The following EGFR variants were observed in gnomAD, a reference collection of about 807,000 sequenced individuals.
EGFR encodes epidermal growth factor receptor.
In EGFR, 58 loss-of-function variants were observed where a neutral mutation model predicts 143.0. The observed-to-expected ratio is 0.41, with a 90% confidence interval of 0.33 to 0.50. The LOEUF (loss-of-function observed/expected upper bound fraction) is 0.50, where lower values mean the gene tolerates loss of function less well. Ranked by LOEUF, EGFR falls within the 20% of genes least tolerant of loss-of-function variation. EGFR has a pLI of 0.39. For missense variants in EGFR, 1,307 were observed against 1,579.0 expected, an observed-to-expected ratio of 0.83 and a Z score of 2.92; for synonymous variants, 613 against 594.4, an observed-to-expected ratio of 1.03 and a Z score of -0.45.
At chr7:55,101,208 C>T (rs762044634) in intron 1 of EGFR, among the ~76,000 whole-genome samples, 1 of 152,206 alleles carries the variant, frequency 6.6e-6, no homozygotes, top group African/African-American at 2.4e-5. Flanking sequence ...GTCCACCAGA[C>T]TTTACGCTTG....
chr7:55,188,325 TG>T (rs1358632373), intron 20 of EGFR, among the ~76,000 whole-genome samples: 1 of 151,974 alleles, frequency 6.6e-6, no homozygotes, highest in Non-Finnish European at 1.5e-5. Context: ...CCAAGACTCG[TG>T]GGGTGCGGCA....
rs201837816 is a variant in EGFR at position 55,160,350 on chromosome 7, C to A, written c.1498+12C>A. 16 of 1,611,838 alleles carry A rather than the reference C, an allele frequency of 9.9e-6. No homozygotes were observed. Among genetic ancestry groups the A allele is most frequent in the Non-Finnish European group, 1.2e-5 (14 of 1,179,782 alleles). ...TGAAAACAGCTGCAGTAAGTCACCG[C>A]TTTCTGTTTAGTTTATGGAGTTGGT... On this transcript the variant is annotated intron_variant, in intron 12 of 27. Coordinates refer to ENST00000275493, the MANE Select transcript of EGFR (RefSeq NM_005228.5).
rs2128964491 is a variant in EGFR, at chr7:55,191,768, C to G, written c.2519C>G (p.Ala840Gly). The change falls in exon 21 of 28, where the codon GCC becomes GGC. Residue 840 changes from alanine to glycine, a missense_variant. This residue lies in a region of EGFR where 348 missense variants were observed against 451.5 expected (regional missense o/e 0.77). Coordinates refer to ENST00000275493, the MANE Select transcript of EGFR (RefSeq NM_005228.5). ...DRRLVHRDLA[A>G]RNVLVKTPQH... ...CGCTTGGTGCACCGCGACCTGGCAG[C>G]CAGGAACGTACTGGTGAAAACACCG... The G allele has an allele frequency of 6.2e-7, 1 of 1,614,034 alleles. No homozygotes were observed. Among genetic ancestry groups the G allele is most frequent in the South Asian group, 1.1e-5 (1 of 91,078 alleles).
intron 19 of EGFR, among the ~76,000 whole-genome samples, chr7:55,178,857 G>GTTTT (rs1162983105): frequency 1.3e-5 from 2 of 152,172 alleles, no homozygotes; most frequent in African/African-American, 4.8e-5. Flanking sequence ...TTGTTTGTTT[G>GTTTT]TCTTGAATGC....
At chr7:55,041,653 G>A (rs1787907363) in intron 1 of EGFR, among the ~76,000 whole-genome samples, 1 of 152,194 alleles carries the variant, frequency 6.6e-6, no homozygotes, top group Admixed American at 6.5e-5. Context: ...ACTAGTGAAT[G>A]ATTAGATTAT....
In EGFR at chr7:55,208,396, TG is replaced by T. The variant is rs1447341155; in HGVS notation, c.*2780del. On this transcript the variant is annotated 3_prime_UTR_variant, in exon 28 of 28. Coordinates refer to ENST00000275493, the MANE Select transcript of EGFR (RefSeq NM_005228.5). ...TGGCCTTAATACCCTACAGAAAGCCTGTCCATTGGCTGTTTCTTCCTCAGTC... is the reference window on the plus strand; with the variant it reads ...TGGCCTTAATACCCTACAGAAAGCCTTCCATTGGCTGTTTCTTCCTCAGTC... 2 of 152,204 alleles carry T rather than the reference TG, an allele frequency of 1.3e-5. No individual in the cohort carries two copies. The highest frequency in any genetic ancestry group is 2.9e-5 in the Non-Finnish European group (2 of 68,066). 9.4% of individuals were successfully genotyped at this position (152,204 alleles called of 1,614,324 possible).
chr7:55,035,656 G>C (rs1308694116), intron 1 of EGFR, among the ~76,000 whole-genome samples: 1 of 148,220 alleles, frequency 6.7e-6, no homozygotes, highest in Non-Finnish European at 1.5e-5. Flanking sequence ...CTGCACTTCA[G>C]CCTGGGTGAC....
chr7:55,033,982 GT>G lies in EGFR; in HGVS notation c.88+14625del, dbSNP rs908058462. Among the ~76,000 whole-genome samples the G allele has an allele frequency of 5.9e-5, 9 of 151,922 alleles. No individual in the cohort carries two copies. In the South Asian group the frequency reaches 8.3e-4, roughly 14 times the overall value. On this transcript the variant is annotated intron_variant, in intron 1 of 27. Transcript: ENST00000275493. ...GACGACTGTGACTGGCCCATTTCTT[GT>G]TTTTTTTCTCTTGCTCTGCTTTCTC...
At chr7:55,025,485 G>A (rs2128858584) in intron 1 of EGFR, among the ~76,000 whole-genome samples, 1 of 152,302 alleles carries the variant, frequency 6.6e-6, no homozygotes, top group East Asian at 1.9e-4. Context: ...GAAGGGAAGG[G>A]AAGGGAGGAG....
chr7:55,036,282 G>GT (rs995387898), intron 1 of EGFR, among the ~76,000 whole-genome samples: 1 of 73,620 alleles, frequency 1.4e-5, no homozygotes, highest in Non-Finnish European at 2.7e-5. Context: ...GGGGGGGGGG[G>GT]GGTGGGTGTG....
At chr7:55,033,390 ACT>A (rs1457517076) in intron 1 of EGFR, among the ~76,000 whole-genome samples, 1 of 152,066 alleles carries the variant, frequency 6.6e-6, no homozygotes, top group African/African-American at 2.4e-5. Context: ...CACAGGGCAG[ACT>A]CTGCCATATG....
rs1788198082 is a variant in EGFR at position 55,209,888 on chromosome 7, C to A, written c.*4271C>A. The A allele has an allele frequency of 6.6e-6, 1 of 152,170 alleles. No homozygotes were observed. Among genetic ancestry groups the A allele is most frequent in the African/African-American group, 2.4e-5 (1 of 41,434 alleles). 9.4% of individuals were successfully genotyped at this position (152,170 alleles called of 1,614,324 possible). ...TAGAATCAAAATTTGAAACTGAAAT[C>A]TTTGTTTAAAAGGGTTAAGTTGAGG... is the stretch of plus-strand genomic sequence containing the variant. On this transcript the variant is annotated 3_prime_UTR_variant, in exon 28 of 28. Transcript: ENST00000275493.
intron 1 of EGFR, among the ~76,000 whole-genome samples, chr7:55,061,264 C>A (rs1335112837): frequency 6.6e-6 from 1 of 152,164 alleles, no homozygotes; most frequent in Non-Finnish European, 1.5e-5. Flanking sequence ...GCTTTCAGGT[C>A]CCAGCCCCGG....
intron 22 of EGFR, among the ~76,000 whole-genome samples, chr7:55,198,097 T>C (rs1787694960): frequency 6.6e-6 from 1 of 152,230 alleles, no homozygotes; most frequent in South Asian, 2.1e-4. Context: ...TTTGTACATC[T>C]TGTAGAATTT....
chr7:55,131,660 C>T (rs1353369330), intron 1 of EGFR, among the ~76,000 whole-genome samples: 2 of 152,168 alleles, frequency 1.3e-5, no homozygotes, highest in African/African-American at 4.8e-5. Context: ...GCGCCCTCTG[C>T]CCCCCAGCAA....
At chr7:55,165,690 G>A (rs1007475248) in intron 15 of EGFR, among the ~76,000 whole-genome samples, 5 of 152,226 alleles carry the variant, frequency 3.3e-5, no homozygotes, top group Admixed American at 6.5e-5. Context: ...CACAACAGGA[G>A]GGTAGGGGGA....
In EGFR at chr7:55,192,755, A is replaced by T. The variant is rs761419750; in HGVS notation, c.2626-11A>T. On this transcript the variant is annotated splice_polypyrimidine_tract_variant and intron_variant, in intron 21 of 27. Coordinates refer to ENST00000275493, the MANE Select transcript of EGFR (RefSeq NM_005228.5). The stretch of plus-strand genomic sequence containing the variant: ...TAGTTGTCTCACTGCCTCATCTCTC[A>T]CCATCCCAAGGTGCCTATCAAGTGG... The T allele has an allele frequency of 5.0e-6, 8 of 1,613,364 alleles. No homozygotes were observed. The highest frequency in any genetic ancestry group is 5.1e-6 in the Non-Finnish European group (6 of 1,179,436).
chr7:55,150,316 C>T (rs1327817853), intron 4 of EGFR, among the ~76,000 whole-genome samples: 1 of 152,194 alleles, frequency 6.6e-6, no homozygotes, highest in Non-Finnish European at 1.5e-5. Flanking sequence ...TCTCTGCCTA[C>T]CTCCTCACAA....
intron 12 of EGFR, among the ~76,000 whole-genome samples, chr7:55,161,070 C>G (rs1200696522): frequency 6.6e-6 from 1 of 152,204 alleles, no homozygotes; most frequent in East Asian, 1.9e-4. Flanking sequence ...TGGGTACCAT[C>G]AAAACACACC....
Sources: gnomAD v4.1 joint callset for allele counts (sites outside exome capture counted in the v4.1 genomes callset) on GRCh38, gnomAD v4.1.1 for gene constraint, gnomAD v4.1.1 regional missense constraint, MANE v1.5 for transcripts, NCBI Gene and HGNC (gene_info 2026-07-23, HGNC 2026-07-21) for gene names.